The following ASB7 variants were observed in gnomAD, a reference collection of about 807,000 sequenced individuals.
ASB7 encodes the protein ankyrin repeat and SOCS box protein 7.
In ASB7, 4 loss-of-function variants were observed where a neutral mutation model predicts 32.5. The ratio of observed to expected loss-of-function variants is 0.12; its 90% CI spans 0.06 to 0.28. The LOEUF is 0.28. Ranked by LOEUF, ASB7 falls within the 10% of genes least tolerant of loss-of-function variation. The pLI is 1.00. For synonymous variants in ASB7, 172 were observed against 155.6 expected (o/e 1.11, Z -0.78); for missense variants, 181 against 407.1 (o/e 0.44, Z 4.78).
chr15:100,602,698 C>G lies in ASB7; in HGVS notation c.-621C>G. The G allele has an allele frequency of 3.0e-6, 1 of 337,388 alleles. No homozygotes were observed. Among genetic ancestry groups the G allele is most frequent in the Non-Finnish European group, 5.3e-6 (1 of 187,796 alleles). The allele number at this position is 337,388 out of a possible 1,614,324, so 20.9% of individuals were successfully genotyped here. On this transcript the variant is annotated 5_prime_UTR_variant, in exon 1 of 6. Coordinates refer to ENST00000332783, the MANE Select transcript of ASB7 (RefSeq NM_198243.3). The stretch of plus-strand genomic sequence containing the variant: ...GGCTGGCACTTCGGGCCCCGTATGA[C>G]CTGGGACCTCGCCGTCCCGAGACCT...
rs530571418 is a variant in ASB7, at chr15:100,614,513, A to G, written c.211+2086A>G. On this transcript the variant is annotated intron_variant, in intron 4 of 5. Transcript: ENST00000332783. ...TGGCTTTGTAACTACCCAGCTCTGC[A>G]GTCGGAGCCTGGAAGCAGCCACAGA... Among the ~76,000 whole-genome samples, 50 of 152,288 alleles carry G rather than the reference A, an allele frequency of 3.3e-4. No homozygotes were observed. The East Asian group carries it at 5.4e-3, about 16-fold the overall frequency.
chr15:100,627,712 G>A (rs2039851525), intron 4 of ASB7, among the ~76,000 whole-genome samples: 1 of 152,200 alleles, frequency 6.6e-6, no homozygotes, highest in South Asian at 2.1e-4. Context: ...AATAAGGATG[G>A]TGGCTGAAGG....
chr15:100,633,262 G>A (rs1263159699), intron 5 of ASB7, among the ~76,000 whole-genome samples: 1 of 152,006 alleles, frequency 6.6e-6, no homozygotes, highest in African/African-American at 2.4e-5. Context: ...AACAGTGAAG[G>A]TGTGACCGAT....
intron 4 of ASB7, among the ~76,000 whole-genome samples, chr15:100,620,545 C>T (rs980777381): frequency 1.2e-5 from 1 of 81,074 alleles, no homozygotes; most frequent in Middle Eastern, 6.7e-3. Flanking sequence ...TCTGTACAAA[C>T]CCTGGTAGTC....
chr15:100,623,372 C>T (rs933985237), intron 4 of ASB7, among the ~76,000 whole-genome samples: 1 of 152,214 alleles, frequency 6.6e-6, no homozygotes, highest in African/African-American at 2.4e-5. Context: ...CACTGCACTG[C>T]AGCCTGGGCA....
chr15:100,634,655 T>G (rs899453900), intron 5 of ASB7, among the ~76,000 whole-genome samples: 3 of 152,024 alleles, frequency 2.0e-5, no homozygotes, highest in African/African-American at 7.3e-5. Context: ...AACACAAAAA[T>G]TAGCTGGGTG....
chr15:100,642,623 A>C (rs1290314866), intron 5 of ASB7, among the ~76,000 whole-genome samples: 1 of 152,236 alleles, frequency 6.6e-6, no homozygotes, highest in Non-Finnish European at 1.5e-5. Context: ...AGTCTCACTC[A>C]GTTATCTAAT....
intron 5 of ASB7, among the ~76,000 whole-genome samples, chr15:100,636,545 G>A (rs945447675): frequency 5.9e-5 from 9 of 152,010 alleles, no homozygotes; most frequent in African/African-American, 2.2e-4. Context: ...GCAGCTAATG[G>A]GCTTCTGATC....
intron 5 of ASB7, among the ~76,000 whole-genome samples, chr15:100,636,061 ACT>A (rs1162341581): frequency 2.1e-4 from 32 of 151,906 alleles, no homozygotes; most frequent in Non-Finnish European, 1.0e-4. Context: ...ACTGGCTGCC[ACT>A]CTCAGACCAG....
intron 4 of ASB7, among the ~76,000 whole-genome samples, chr15:100,624,811 G>A (rs972923068): frequency 3.9e-5 from 6 of 152,044 alleles, no homozygotes; most frequent in East Asian, 3.8e-4. Flanking sequence ...ACCAAACAAA[G>A]ACCTTGGAAG....
At chr15:100,636,174 G>C (rs1297032797) in intron 5 of ASB7, among the ~76,000 whole-genome samples, 2 of 152,220 alleles carry the variant, frequency 1.3e-5, no homozygotes, top group Non-Finnish European at 2.9e-5. Context: ...CAGGTACACA[G>C]ATCTCAGCCA....
intron 4 of ASB7, among the ~76,000 whole-genome samples, chr15:100,614,618 C>A (rs903072983): frequency 6.6e-6 from 1 of 151,908 alleles, no homozygotes; most frequent in Non-Finnish European, 1.5e-5. Flanking sequence ...AAAGAAAAAA[C>A]CAGTGAGGGG....
At chr15:100,610,227 G>C (rs886100431) in intron 3 of ASB7, among the ~76,000 whole-genome samples, 1 of 152,102 alleles carries the variant, frequency 6.6e-6, no homozygotes, top group Non-Finnish European at 1.5e-5. Context: ...GGGCGCAGTG[G>C]CTCACGCCTG....
At chr15:100,626,631 GTCTC>G (rs548096320) in intron 4 of ASB7, among the ~76,000 whole-genome samples, 3 of 150,748 alleles carry the variant, frequency 2.0e-5, no homozygotes, top group South Asian at 2.1e-4. Flanking sequence ...TTCTCTCTCT[GTCTC>G]TCTCTCTCTC....
At chr15:100,646,162 A>G (rs2141409142) in intron 5 of ASB7, 1 of 414,624 alleles carries the variant, frequency 2.4e-6, no homozygotes, top group East Asian at 5.9e-5. Context: ...CCATAAGAGA[A>G]TAGTCTGATC....
chr15:100,629,181 G>A lies in ASB7; in HGVS notation c.212-256G>A, dbSNP rs114942904. ...CAGGGGATGTGGTGATCTGTACTCCGTGTTTTTTGTGTATATCTTTTTAAA... is the reference window on the plus strand; with the variant it reads ...CAGGGGATGTGGTGATCTGTACTCCATGTTTTTTGTGTATATCTTTTTAAA... On this transcript the variant is annotated intron_variant, in intron 4 of 5. Transcript: ENST00000332783. This position sits in a 1 kb window ranked among gnomAD's most constrained non-coding sequence, Gnocchi z 6.8. Among the ~76,000 whole-genome samples the A allele has an allele frequency of 6.7e-3, 1,026 of 152,308 alleles. 17 individuals are homozygous for A. The highest frequency in any genetic ancestry group is 0.024 in the African/African-American group (979 of 41,564).
intron 5 of ASB7, among the ~76,000 whole-genome samples, chr15:100,634,368 T>C (rs2039906892): frequency 6.6e-6 from 1 of 152,214 alleles, no homozygotes; most frequent in Non-Finnish European, 1.5e-5. Context: ...CAACTGCAAT[T>C]TTGTTCAAAG....
intron 5 of ASB7, among the ~76,000 whole-genome samples, chr15:100,633,359 C>A (rs2039898597): frequency 6.6e-6 from 1 of 151,970 alleles, no homozygotes; most frequent in Non-Finnish European, 1.5e-5. Flanking sequence ...GGTGGGTCAC[C>A]TGAGGTCAGG....
At chr15:100,621,348 T>G (rs1478135821) in intron 4 of ASB7, among the ~76,000 whole-genome samples, 1 of 152,204 alleles carries the variant, frequency 6.6e-6, no homozygotes, top group Admixed American at 6.5e-5. Flanking sequence ...AAGCCTACCT[T>G]TCATTGTATA....
Sources: gnomAD v4.1 joint callset for allele counts (sites outside exome capture counted in the v4.1 genomes callset) on GRCh38, gnomAD v4.1.1 for gene constraint, Gnocchi (gnomAD v3.1) non-coding constraint, MANE v1.5 for transcripts, NCBI Gene and HGNC (gene_info 2026-07-23, HGNC 2026-07-21) for gene names.